STPG2: variants seen among roughly 807,000 people sequenced by gnomAD.
The protein encoded by STPG2 is sperm-tail PG-rich repeat-containing protein 2.
STPG2 carries 56 observed loss-of-function variants against 54.2 expected under a neutral mutation model. The ratio of observed to expected loss-of-function variants is 1.03; its 90% confidence interval spans 0.83 to 1.29. STPG2 has a LOEUF of 1.29. Among genes scored for constraint, STPG2 ranks in the 50% most tolerant of loss-of-function variants. The pLI, the probability that STPG2 is intolerant of heterozygous loss-of-function variation, is 0.00. For synonymous variants in STPG2, 200 were observed against 181.8 expected (o/e 1.10, Z -0.81); for missense variants, 596 against 544.9 (o/e 1.09, Z -0.93).
intron 4 of STPG2, among the ~76,000 whole-genome samples, chr4:97,514,532 A>G (rs1731036007): frequency 6.6e-6 from 1 of 152,150 alleles, no homozygotes; most frequent in African/African-American, 2.4e-5. Flanking sequence ...ATTGCATTTT[A>G]TTAGTAATAA....
chr4:98,081,985 C>T (rs557445561), intron 5 of STPG2, among the ~76,000 whole-genome samples: 2 of 152,198 alleles, frequency 1.3e-5, no homozygotes, highest in South Asian at 4.1e-4. Flanking sequence ...CCAAGAAATA[C>T]AATAATTAAG....
intron 9 of STPG2, among the ~76,000 whole-genome samples, chr4:97,736,039 G>T (rs11729826): frequency 0.42 from 64,530 of 152,052 alleles, 14,226 homozygotes; most frequent in Admixed American, 0.54. Context: ...AAGATAAAAG[G>T]TATGTGTTAG....
intron 4 of STPG2, among the ~76,000 whole-genome samples, chr4:97,493,658 A>G (rs911211276): frequency 6.6e-6 from 1 of 151,630 alleles, no homozygotes; most frequent in Non-Finnish European, 1.5e-5. Flanking sequence ...AGATTTTCAT[A>G]CAAAATGATG....
chr4:97,788,632 T>C (rs1726896956), intron 9 of STPG2, among the ~76,000 whole-genome samples: 1 of 152,094 alleles, frequency 6.6e-6, no homozygotes, highest in Admixed American at 6.6e-5. Context: ...CTATTTTCAG[T>C]TTTTTAAGGA....
At chr4:97,950,381 G>C (rs1733420083) in intron 7 of STPG2, among the ~76,000 whole-genome samples, 1 of 151,060 alleles carries the variant, frequency 6.6e-6, no homozygotes, top group Non-Finnish European at 1.5e-5. Flanking sequence ...ACTTGTTCTA[G>C]CCTATTGTTA....
chr4:97,729,068 TCTC>T (rs1457904650), intron 9 of STPG2, among the ~76,000 whole-genome samples: 1,800 of 63,422 alleles, frequency 0.028, 27 homozygotes, highest in African/African-American at 0.06. Flanking sequence ...AGAATTTCTC[TCTC>T]TCTCTCTCTC....
chr4:97,852,675 T>C (rs541022716), intron 8 of STPG2, among the ~76,000 whole-genome samples: 50 of 152,098 alleles, frequency 3.3e-4, no homozygotes, highest in Non-Finnish European at 6.2e-4. Context: ...GTAGTTATAT[T>C]GAGACTGAGA....
intron 10 of STPG2, among the ~76,000 whole-genome samples, chr4:97,616,129 CA>C (rs34698435): frequency 0.48 from 52,593 of 110,176 alleles, 15,249 homozygotes; most frequent in South Asian, 0.65. Flanking sequence ...AAAATAAAGC[CA>C]TGTTAAGTGC....
intron 8 of STPG2, among the ~76,000 whole-genome samples, chr4:97,864,256 G>T (rs1468432524): frequency 6.6e-6 from 1 of 152,070 alleles, no homozygotes; most frequent in Admixed American, 6.5e-5. Flanking sequence ...AAAGTCTCAG[G>T]ATACAAAATC....
intron 5 of STPG2, among the ~76,000 whole-genome samples, chr4:98,103,167 A>G (rs1269498605): frequency 6.6e-6 from 1 of 152,022 alleles, no homozygotes; most frequent in Non-Finnish European, 1.5e-5. Flanking sequence ...TGTTCATTAT[A>G]AAACAACAGA....
At chr4:97,891,966 G>T (rs1000653360) in intron 8 of STPG2, among the ~76,000 whole-genome samples, 8 of 152,002 alleles carry the variant, frequency 5.3e-5, no homozygotes, top group African/African-American at 1.4e-4. Context: ...TGTAGTAGAG[G>T]TTTCCTCATC....
At chr4:98,019,099 G>A (rs747996625) in intron 5 of STPG2, among the ~76,000 whole-genome samples, 11 of 152,020 alleles carry the variant, frequency 7.2e-5, no homozygotes, top group South Asian at 2.1e-4. Context: ...TGCCCATGCC[G>A]ATGTCCTGAA....
chr4:97,790,136 G>C (rs984551002), intron 9 of STPG2, among the ~76,000 whole-genome samples: 5 of 151,578 alleles, frequency 3.3e-5, no homozygotes, highest in African/African-American at 1.2e-4. Context: ...ACCCATGTAG[G>C]CGGGGATCTT....
At chr4:97,906,475 C>T (rs1731427565) in intron 8 of STPG2, among the ~76,000 whole-genome samples, 1 of 152,148 alleles carries the variant, frequency 6.6e-6, no homozygotes. Flanking sequence ...GAAACTATTC[C>T]TATCAATAGA....
At chr4:97,947,976 G>A (rs1018801995) in intron 7 of STPG2, among the ~76,000 whole-genome samples, 2 of 151,980 alleles carry the variant, frequency 1.3e-5, no homozygotes, top group African/African-American at 4.8e-5. Flanking sequence ...TTCACCAGTA[G>A]GATTGGTACC....
chr4:97,457,595 C>T (rs1729560622), intron 4 of STPG2, among the ~76,000 whole-genome samples: 1 of 152,170 alleles, frequency 6.6e-6, no homozygotes, highest in African/African-American at 2.4e-5. Flanking sequence ...TGCCCAATTC[C>T]CAAATCACTG....
intron 9 of STPG2, among the ~76,000 whole-genome samples, chr4:97,720,807 T>C (rs1724425443): frequency 6.6e-6 from 1 of 151,984 alleles, no homozygotes; most frequent in African/African-American, 2.4e-5. Flanking sequence ...ACACTGCTAG[T>C]TGTCAAGGCT....
chr4:97,646,384 T>C (rs1355994309), intron 10 of STPG2, among the ~76,000 whole-genome samples: 1 of 152,154 alleles, frequency 6.6e-6, no homozygotes, highest in East Asian at 1.9e-4. Context: ...ATATTTTTCT[T>C]TTTTAGTATA....
chr4:98,090,267 T>C (rs781400706), intron 5 of STPG2, among the ~76,000 whole-genome samples: 3 of 152,176 alleles, frequency 2.0e-5, no homozygotes, highest in Non-Finnish European at 4.4e-5. Context: ...CTTCTACATG[T>C]GGCTTGCCAG....
Sources: allele counts gnomAD v4.1 joint callset (sites outside exome capture counted in the v4.1 genomes callset), GRCh38; gene constraint gnomAD v4.1.1; transcripts MANE v1.5; gene names NCBI Gene and HGNC (gene_info 2026-07-23, HGNC 2026-07-21).